ARMH4: variants seen among roughly 807,000 people sequenced by gnomAD.
ARMH4 encodes the protein armadillo-like helical domain-containing protein 4.
ARMH4 carries 49 observed loss-of-function variants against 61.9 expected under a neutral mutation model. The ratio of observed to expected loss-of-function variants is 0.79; its 90% confidence interval spans 0.63 to 1.00. The LOEUF is 1.00. Among genes scored for constraint, ARMH4 ranks in the 50% least tolerant of loss-of-function variants. ARMH4 has a pLI of 0.00. For synonymous variants in ARMH4, 368 were observed against 341.5 expected (o/e 1.08, Z -0.85); for missense variants, 934 against 930.0 (o/e 1.00, Z -0.06).
chr14:58,005,751 A>G (rs572603640), intron 6 of ARMH4, among the ~76,000 whole-genome samples: 25 of 152,322 alleles, frequency 1.6e-4, no homozygotes, highest in African/African-American at 5.5e-4. Context: ...AAACAAGGAA[A>G]AAAAAGGCCT....
rs767779036 is a variant in ARMH4 at position 58,138,389 on chromosome 14, G to A, written c.970C>T (p.Arg324Trp). 5.0e-6 allele frequency: 8 copies of A among 1,614,132 alleles called. No individual in the cohort carries two copies. Among genetic ancestry groups the A allele is most frequent in the Non-Finnish European group, 6.8e-6 (8 of 1,180,052 alleles). The change falls in exon 2 of 8, where the codon CGG (arginine) becomes TGG (tryptophan). Residue 324 changes from arginine to tryptophan, a missense_variant. Transcript: ENST00000267485. Reference sequence around the variant, plus strand: ...TCTCCAAGCTTGGGGGTCCTTATCCGGCTTACACTCTCTAATTTGGTGTCA... The same window carrying A: ...TCTCCAAGCTTGGGGGTCCTTATCCAGCTTACACTCTCTAATTTGGTGTCA... The part of the protein sequence containing the change: ...WDDTKLESVS[R>W]IRTPKLGDNE...
intron 1 of ARMH4, among the ~76,000 whole-genome samples, chr14:58,140,418 T>C (rs145563136): frequency 5.6e-4 from 84 of 148,746 alleles, no homozygotes; most frequent in African/African-American, 2.0e-3. Flanking sequence ...CCATCTCTGA[T>C]AAAAATACAA....
At chr14:58,079,724 G>A (rs140687706) in intron 5 of ARMH4, among the ~76,000 whole-genome samples, 3 of 152,220 alleles carry the variant, frequency 2.0e-5, no homozygotes, top group African/African-American at 7.2e-5. Context: ...TTTTCCTCCC[G>A]TGAGCAAGAC....
intron 4 of ARMH4, among the ~76,000 whole-genome samples, chr14:58,121,960 T>C (rs567442947): frequency 1.1e-4 from 17 of 152,338 alleles, no homozygotes; most frequent in Admixed American, 9.8e-4. Flanking sequence ...AGACCCAGCA[T>C]TGAGTTCAAA....
At chr14:58,127,481 T>A (rs1594773185) in intron 4 of ARMH4, among the ~76,000 whole-genome samples, 1 of 152,192 alleles carries the variant, frequency 6.6e-6, no homozygotes, top group Admixed American at 6.5e-5. Flanking sequence ...ATGTGGAACC[T>A]CTTTCACTTT....
intron 4 of ARMH4, among the ~76,000 whole-genome samples, chr14:58,131,022 A>G (rs965817593): frequency 3.9e-5 from 6 of 152,306 alleles, no homozygotes; most frequent in African/African-American, 1.4e-4. Context: ...AAGCTCTCCA[A>G]GGTATTTCTA....
chr14:58,149,927 C>G (rs760009688), intron 1 of ARMH4, among the ~76,000 whole-genome samples: 4 of 152,240 alleles, frequency 2.6e-5, no homozygotes, highest in Admixed American at 2.6e-4. Flanking sequence ...TTTGGAGCAT[C>G]TGTAACATCA....
chr14:58,078,205 G>A (rs1361606270), intron 5 of ARMH4, among the ~76,000 whole-genome samples: 1 of 152,218 alleles, frequency 6.6e-6, no homozygotes, highest in Admixed American at 6.5e-5. Context: ...CTGGTCAGCT[G>A]CTGGTGCTCC....
intron 5 of ARMH4, among the ~76,000 whole-genome samples, chr14:58,041,600 A>G (rs924326855): frequency 6.6e-6 from 1 of 152,144 alleles, no homozygotes; most frequent in South Asian, 2.1e-4. Flanking sequence ...AACAATATTA[A>G]CCTTAAATGT....
At chr14:58,143,372 G>C (rs562712190) in intron 1 of ARMH4, among the ~76,000 whole-genome samples, 3 of 152,198 alleles carry the variant, frequency 2.0e-5, no homozygotes, top group Non-Finnish European at 4.4e-5. Flanking sequence ...ATAATGAGAC[G>C]GGTGCTAAGT....
rs529379958 is a variant in ARMH4, at chr14:58,047,842, C to T, written c.2090-35692G>A. On this transcript the variant is annotated intron_variant, in intron 5 of 7. Coordinates refer to ENST00000267485, the MANE Select transcript of ARMH4 (RefSeq NM_001001872.4). Reference sequence around the variant, plus strand: ...AAAAAGCCTTAGGGACCCGCCAAGTCCCCAGGTCATAAGTCAAGCAAACCA... The same window carrying T: ...AAAAAGCCTTAGGGACCCGCCAAGTTCCCAGGTCATAAGTCAAGCAAACCA... Among the ~76,000 whole-genome samples the T allele has an allele frequency of 4.6e-5, 7 of 152,196 alleles. No homozygotes were observed. The South Asian group carries it at 1.3e-3, about 27-fold the overall frequency.
At chr14:58,044,342 C>G (rs1883845678) in intron 5 of ARMH4, among the ~76,000 whole-genome samples, 1 of 152,106 alleles carries the variant, frequency 6.6e-6, no homozygotes, top group African/African-American at 2.4e-5. Flanking sequence ...TTTGACAAAC[C>G]TGACAAAAAC....
At chr14:58,031,450 T>G (rs1230867241) in intron 5 of ARMH4, among the ~76,000 whole-genome samples, 1 of 152,206 alleles carries the variant, frequency 6.6e-6, no homozygotes, top group African/African-American at 2.4e-5. Flanking sequence ...ATGATAAGTT[T>G]ATTTTCTTCC....
rs557663830 is a variant in ARMH4 at position 58,117,082 on chromosome 14, G to A, written c.1831+14430C>T. ...CCCTCCTGCCTCCACTTCTCCAGTAGCTGGGATTACAGGCATAAGCCACTG... is the reference window on the plus strand; with the variant it reads ...CCCTCCTGCCTCCACTTCTCCAGTAACTGGGATTACAGGCATAAGCCACTG... On this transcript the variant is annotated intron_variant, in intron 4 of 7. Coordinates refer to ENST00000267485, the MANE Select transcript of ARMH4 (RefSeq NM_001001872.4). Among the ~76,000 whole-genome samples, 22 of 152,300 alleles carry A rather than the reference G, an allele frequency of 1.4e-4. No homozygotes were observed. The South Asian group carries it at 3.7e-3, about 26-fold the overall frequency.
chr14:58,111,920 T>C (rs1886366719), intron 4 of ARMH4, among the ~76,000 whole-genome samples: 1 of 152,134 alleles, frequency 6.6e-6, no homozygotes, highest in South Asian at 2.1e-4. Flanking sequence ...CTCAAACTCC[T>C]GGTCTCAAGC....
intron 5 of ARMH4, among the ~76,000 whole-genome samples, chr14:58,058,029 CT>C (rs1181184622): frequency 6.6e-6 from 1 of 152,186 alleles, no homozygotes; most frequent in Non-Finnish European, 1.5e-5. Context: ...GTTGTTTACT[CT>C]TTTTCCTGTT....
chr14:58,088,229 C>T (rs927286265), intron 5 of ARMH4, among the ~76,000 whole-genome samples: 1 of 152,142 alleles, frequency 6.6e-6, no homozygotes, highest in Admixed American at 6.5e-5. Flanking sequence ...TCCTTTACCA[C>T]AAGCATATAG....
At chr14:58,103,413 C>T (rs1036863778) in intron 4 of ARMH4, among the ~76,000 whole-genome samples, 3 of 152,034 alleles carry the variant, frequency 2.0e-5, no homozygotes, top group South Asian at 2.1e-4. Context: ...CACATGAGGA[C>T]GCAGCAAGAA....
chr14:58,138,310 T>C lies in ARMH4; in HGVS notation c.1049A>G (p.His350Arg). 6.2e-7 allele frequency: 1 copy of C among 1,614,214 alleles called. No homozygotes were observed. The highest frequency in any genetic ancestry group is 1.3e-5 in the African/African-American group (1 of 75,058). ...TEMSQTAQVS[H>R]EGMEGGQPWT... Reference sequence around the variant, plus strand: ...AGGCTGGCCTCCTTCCATACCCTCATGGCTTACTTGTGCTGTCTGAGACAT... The same window carrying C: ...AGGCTGGCCTCCTTCCATACCCTCACGGCTTACTTGTGCTGTCTGAGACAT... The change falls in exon 2 of 8, where the codon CAT (histidine) becomes CGT (arginine). Residue 350 changes from histidine (H) to arginine (R), a missense_variant. By Grantham distance (29) the His-to-Arg change is conservative. Coordinates refer to ENST00000267485, the MANE Select transcript of ARMH4 (RefSeq NM_001001872.4).
Sources: allele counts gnomAD v4.1 joint callset (sites outside exome capture counted in the v4.1 genomes callset), GRCh38; gene constraint gnomAD v4.1.1; transcripts MANE v1.5; gene names NCBI Gene and HGNC (gene_info 2026-07-23, HGNC 2026-07-21).